The following SLC37A2 variants were observed in gnomAD, a reference collection of about 807,000 sequenced individuals.
SLC37A2 encodes solute carrier family 37 member 2.
A neutral mutation model predicts 70.7 loss-of-function variants in SLC37A2; 59 were observed. The observed-to-expected ratio is 0.83, with a 90% CI of 0.68 to 1.04. The LOEUF (loss-of-function observed/expected upper bound fraction) is 1.04. Ranked by LOEUF, SLC37A2 falls within the 50% of genes least tolerant of loss-of-function variation. The probability of loss-of-function intolerance (pLI) is 0.00; values close to 1 mark genes in which losing one functional copy is unlikely to be tolerated. For missense variants in SLC37A2, 580 were observed against 658.1 expected (o/e 0.88, Z 1.30); for synonymous variants, 257 against 262.1 (o/e 0.98, Z 0.19).
In SLC37A2 at chr11:125,085,572, T is replaced by C. The variant is rs753293998; in HGVS notation, c.1328-5T>C. On this transcript the variant is annotated splice_polypyrimidine_tract_variant and splice_region_variant and intron_variant, in intron 15 of 17. Coordinates refer to ENST00000403796, the MANE Select transcript of SLC37A2 (RefSeq NM_001145290.2). Reference sequence around the variant, plus strand: ...CCCCTGCTCACGAGGCTGTGCTCCATTCAGGTGCGGCTCTGGGGCCTCTGC... The same window carrying C: ...CCCCTGCTCACGAGGCTGTGCTCCACTCAGGTGCGGCTCTGGGGCCTCTGC... 6.8e-6 allele frequency: 11 copies of C among 1,613,724 alleles called. No homozygotes were observed. The highest frequency in any genetic ancestry group is 9.3e-6 in the Non-Finnish European group (11 of 1,180,008).
intron 1 of SLC37A2, among the ~76,000 whole-genome samples, chr11:125,073,290 C>T (rs1949048714): frequency 6.6e-6 from 1 of 152,242 alleles, no homozygotes; most frequent in Admixed American, 6.5e-5. Flanking sequence ...CCATGGAAGG[C>T]CAGAGCTCCA....
rs1197648112 is a variant in SLC37A2, at chr11:125,085,577, G to A, written c.1328G>A (p.Gly443Asp). 6.2e-7 allele frequency: 1 copy of A among 1,613,864 alleles called. No individual in the cohort carries two copies. Among genetic ancestry groups the A allele is most frequent in the South Asian group, 1.1e-5 (1 of 91,086 alleles). ...GCTCACGAGGCTGTGCTCCATTCAGGTGCGGCTCTGGGGCCTCTGCTGGCT... is the reference window on the plus strand; with the variant it reads ...GCTCACGAGGCTGTGCTCCATTCAGATGCGGCTCTGGGGCCTCTGCTGGCT... The part of the protein sequence containing the change: ...TAIIDGTGSI[G>D]AALGPLLAGL... Residue 443 changes from glycine to aspartate, a missense_variant and splice_region_variant, in exon 16 of 18, where the codon GGT becomes GAT. Coordinates refer to ENST00000403796, the MANE Select transcript of SLC37A2 (RefSeq NM_001145290.2).
rs1442393810 is a variant in SLC37A2, at chr11:125,080,291, AGG to A, written c.528-322_528-321del. Reference sequence around the variant, plus strand: ...TTGGGGGTAGGATCACCCCTGGTTGAGGACAGTGCTTTAGAGTGAGATCGTGG... The same window carrying A: ...TTGGGGGTAGGATCACCCCTGGTTGAACAGTGCTTTAGAGTGAGATCGTGG... On this transcript the variant is annotated intron_variant, in intron 6 of 17. Coordinates refer to ENST00000403796, the MANE Select transcript of SLC37A2 (RefSeq NM_001145290.2). The surrounding 1 kb of genome is among the most constrained non-coding windows in gnomAD (Gnocchi z 4.3). 6.6e-6 allele frequency among the ~76,000 whole-genome samples: 1 copy of A among 152,214 alleles called. No individual in the cohort carries two copies. Among genetic ancestry groups the A allele is most frequent in the Non-Finnish European group, 1.5e-5 (1 of 68,036 alleles).
rs1226358557 is a variant in SLC37A2, at chr11:125,079,763, G to A, written c.527+3G>A. The A allele has an allele frequency of 3.7e-6, 6 of 1,607,390 alleles. No homozygotes were observed. The highest frequency in any genetic ancestry group is 5.1e-6 in the Non-Finnish European group (6 of 1,176,318). On this transcript the variant is annotated splice_donor_region_variant and intron_variant, in intron 6 of 17. Transcript: ENST00000403796. Reference sequence around the variant, plus strand: ...GGCAACTGGTTCGGGAAGGGGAAGTGAGTGTAACAAGGGAGGAGGAGTGGG... The same window carrying A: ...GGCAACTGGTTCGGGAAGGGGAAGTAAGTGTAACAAGGGAGGAGGAGTGGG...
chr11:125,073,773 C>T (rs1727092663), intron 1 of SLC37A2, among the ~76,000 whole-genome samples: 1 of 152,232 alleles, frequency 6.6e-6, no homozygotes, highest in African/African-American at 2.4e-5. Context: ...GCTGCTATGT[C>T]CCTGGGAGTG....
intron 1 of SLC37A2, among the ~76,000 whole-genome samples, chr11:125,065,980 T>C (rs1343209487): frequency 2.6e-5 from 4 of 152,226 alleles, no homozygotes; most frequent in Admixed American, 2.6e-4. Context: ...TAGAACACTA[T>C]ATCAACATCA....
chr11:125,087,391 C>T (rs1375456440), intron 17 of SLC37A2: 1 of 152,450 alleles, frequency 6.6e-6, no homozygotes, highest in East Asian at 1.9e-4. Flanking sequence ...AGACAGAGCA[C>T]TGTGCTTGGA....
chr11:125,084,559 G>A lies in SLC37A2; in HGVS notation c.1125+240G>A, dbSNP rs1455063661. On this transcript the variant is annotated intron_variant, in intron 12 of 17. Coordinates refer to ENST00000403796, the MANE Select transcript of SLC37A2 (RefSeq NM_001145290.2). ...CTCTTTGGCCTTGGTAGAGGAGACC[G>A]CCTCCTAAACTTCTTGATCAAGGAA... 3.9e-5 allele frequency among the ~76,000 whole-genome samples: 6 copies of A among 152,354 alleles called. No individual in the cohort carries two copies. In the South Asian group the frequency reaches 6.2e-4, roughly 16 times the overall value.
chr11:125,067,864 A>G (rs1274377145), intron 1 of SLC37A2, among the ~76,000 whole-genome samples: 1 of 152,090 alleles, frequency 6.6e-6, no homozygotes, highest in African/African-American at 2.4e-5. Context: ...TATGTGTAAT[A>G]TTTTTCCTTT....
intron 1 of SLC37A2, among the ~76,000 whole-genome samples, chr11:125,074,138 C>T (rs987566686): frequency 3.3e-5 from 5 of 152,066 alleles, no homozygotes; most frequent in Admixed American, 6.6e-5. Flanking sequence ...TCCGTGCCTT[C>T]GTGCACGCTG....
chr11:125,078,369 C>G (rs1267196343), intron 4 of SLC37A2, among the ~76,000 whole-genome samples: 3 of 152,332 alleles, frequency 2.0e-5, no homozygotes, highest in East Asian at 3.9e-4. Context: ...TGAGAGCTCA[C>G]TCTGAGAGTG....
At position 125,088,415 on chromosome 11, in the gene SLC37A2, G is replaced by A. The variant is rs1247150614; in HGVS notation, c.*281G>A. On this transcript the variant is annotated 3_prime_UTR_variant, in exon 18 of 18. Coordinates refer to ENST00000403796, the MANE Select transcript of SLC37A2 (RefSeq NM_001145290.2). ...TGAGTTGTGTCTCCATTTTGATAAG[G>A]AAAGGATATGCTCAGACTCTTGCTT... 3.4e-5 allele frequency: 16 copies of A among 471,692 alleles called. No individual in the cohort carries two copies. Among genetic ancestry groups the A allele is most frequent in the Non-Finnish European group, 5.7e-5 (15 of 263,440 alleles). The allele number at this position is 471,692 out of a possible 1,614,324, so 29.2% of individuals were successfully genotyped here. A position where few individuals can be genotyped will look rare whatever the true frequency, so the allele number is the denominator to read the frequency against.
rs765241184 is a variant in SLC37A2 at position 125,083,903 on chromosome 11, C to G, written c.1039+26C>G. ...GTGAGGCCTTGCCCTGCTCTGCCAG[C>G]AGGCTCCCTTCCCCTCTTTTCTTGT... On this transcript the variant is annotated intron_variant, in intron 11 of 17. Coordinates refer to ENST00000403796, the MANE Select transcript of SLC37A2 (RefSeq NM_001145290.2). The surrounding 1 kb of genome is among the most constrained non-coding windows in gnomAD (Gnocchi z 4.6). 6.2e-7 allele frequency: 1 copy of G among 1,609,966 alleles called. No homozygotes were observed. The highest frequency in any genetic ancestry group is 8.5e-7 in the Non-Finnish European group (1 of 1,176,224).
At chr11:125,079,384 C>A in intron 5 of SLC37A2, 137 bp downstream of exon 5, 1 of 1,147,654 alleles carries the variant, frequency 8.7e-7, no homozygotes, top group Middle Eastern at 3.0e-4. Flanking sequence ...CTGAGTTCTA[C>A]CTCCTGGCCC....
chr11:125,076,315 C>T (rs1464742209), intron 1 of SLC37A2, among the ~76,000 whole-genome samples: 3 of 152,112 alleles, frequency 2.0e-5, no homozygotes, highest in Admixed American at 6.5e-5. Context: ...GAGTGTCAAC[C>T]TCACTTTAAA....
At chr11:125,071,364 TC>T (rs1418659366) in intron 1 of SLC37A2, among the ~76,000 whole-genome samples, 4 of 152,066 alleles carry the variant, frequency 2.6e-5, no homozygotes, top group Non-Finnish European at 5.9e-5. Context: ...CCACCAACAC[TC>T]CCACCCTCCC....
intron 17 of SLC37A2, chr11:125,086,839 A>G (rs2135578622): frequency 6.0e-6 from 1 of 167,890 alleles, no homozygotes; most frequent in East Asian, 1.7e-4. Context: ...GAGGCCGCTA[A>G]TGAGCTGGCC....
intron 1 of SLC37A2, among the ~76,000 whole-genome samples, chr11:125,072,237 G>A (rs1277693778): frequency 2.0e-5 from 3 of 152,154 alleles, no homozygotes; most frequent in Non-Finnish European, 4.4e-5. Flanking sequence ...CATTCCTAGT[G>A]CAAAGTCTCA....
intron 1 of SLC37A2, among the ~76,000 whole-genome samples, chr11:125,066,791 C>T (rs1429149143): frequency 6.6e-6 from 1 of 151,938 alleles, no homozygotes; most frequent in Non-Finnish European, 1.5e-5. Context: ...ATATAATTTA[C>T]ATAAAATGCC....
Sources: allele counts gnomAD v4.1 joint callset (sites outside exome capture counted in the v4.1 genomes callset), GRCh38; gene constraint gnomAD v4.1.1; non-coding constraint Gnocchi (gnomAD v3.1); transcripts MANE v1.5; gene names NCBI Gene and HGNC (gene_info 2026-07-23, HGNC 2026-07-21).